Variants in DCTPP1 observed in about 807,000 individuals in gnomAD.
DCTPP1 encodes the protein dCTP pyrophosphatase 1.
DCTPP1 carries 8 observed loss-of-function variants against 8.8 expected under a neutral mutation model. The observed-to-expected ratio is 0.91, with a 90% confidence interval of 0.54 to 1.64. DCTPP1 has a LOEUF of 1.64. Among genes scored for constraint, DCTPP1 ranks in the 40% most tolerant of loss-of-function variants. The probability of loss-of-function intolerance (pLI) is 0.00; values close to 1 mark genes in which losing one functional copy is unlikely to be tolerated. For synonymous variants in DCTPP1, 85 were observed against 92.1 expected (o/e 0.92, Z 0.44); for missense variants, 231 against 230.4 (o/e 1.00, Z -0.02).
intron 2 of DCTPP1, among the ~76,000 whole-genome samples, chr16:30,427,014 T>G (rs977858789): frequency 5.1e-5 from 7 of 138,396 alleles, no homozygotes; most frequent in Non-Finnish European, 6.3e-5. Context: ...TTTCGTTGGG[T>G]TTTTTTTTTT....
chr16:30,428,766 C>CA (rs949362903), intron 2 of DCTPP1: 43 of 416,898 alleles, frequency 1.0e-4, no homozygotes, highest in South Asian at 3.9e-4. Flanking sequence ...GACCCCGTCT[C>CA]AAAAAAAAGC....
At chr16:30,426,991 G>GCAC (rs914944781) in intron 2 of DCTPP1, among the ~76,000 whole-genome samples, 10 of 143,184 alleles carry the variant, frequency 7.0e-5, no homozygotes, top group African/African-American at 2.6e-4. Flanking sequence ...GTGAGCCACC[G>GCAC]CACCTGGACC....
In DCTPP1 at chr16:30,428,909, C is replaced by A. The variant is rs969141537; in HGVS notation, c.212+148G>T. ...CTGAGTGCCCCTAGAGGGCAGGGAC[C>A]CGTGAGTCCTCTCTGCATCCCAACA... On this transcript the variant is annotated intron_variant, in intron 2 of 2. Transcript: ENST00000319285. The A allele has an allele frequency of 6.5e-6, 5 of 770,750 alleles. No homozygotes were observed. The East Asian group carries it at 1.1e-4, about 17-fold the overall frequency. The allele number at this position is 770,750 out of a possible 1,614,324, so 47.7% of individuals were successfully genotyped here. A position where few individuals can be genotyped will look rare whatever the true frequency, so the allele number is the denominator to read the frequency against.
At chr16:30,427,359 C>T (rs2050200557) in intron 2 of DCTPP1, among the ~76,000 whole-genome samples, 1 of 151,270 alleles carries the variant, frequency 6.6e-6, no homozygotes, top group African/African-American at 2.4e-5. Flanking sequence ...GTCGCCCAGG[C>T]TGGAGTGCCA....
intron 2 of DCTPP1, among the ~76,000 whole-genome samples, chr16:30,424,812 C>G (rs1457427502): frequency 2.6e-5 from 4 of 152,252 alleles, no homozygotes; most frequent in Admixed American, 1.3e-4. Context: ...ACAGACCAAA[C>G]CTCGGACCTG....
rs1388955270 is a variant in DCTPP1 at position 30,424,151 on chromosome 16, A to G, written c.*82T>C. On this transcript the variant is annotated 3_prime_UTR_variant, in exon 3 of 3. Coordinates refer to ENST00000319285, the MANE Select transcript of DCTPP1 (RefSeq NM_024096.2). ...CCTCAGGCCCATGATCTATTCTGAA[A>G]AGACTAGAAAAAGGCTCCAGGGCCA... The G allele has an allele frequency of 1.3e-5, 19 of 1,500,200 alleles. No individual in the cohort carries two copies. In the East Asian group the frequency reaches 3.5e-4, roughly 28 times the overall value. 92.9% of individuals were successfully genotyped at this position (1,500,200 alleles called of 1,614,324 possible). A position where few individuals can be genotyped will look rare whatever the true frequency, so the allele number is the denominator to read the frequency against.
Position 30,429,968 on chromosome 16 carries a change from C to T in DCTPP1, c.13G>A (p.Gly5Ser). The change falls in exon 1 of 3, where the codon GGT (glycine) becomes AGT (serine). Residue 5 changes from glycine to serine, a missense_variant. Physicochemically the swap from Gly to Ser is moderately conservative, Grantham distance 56. Transcript: ENST00000319285. Reference sequence around the variant, plus strand: ...CCCGTGTCCCCACGAATCTCCCCACCGGCCACAGACATGCCGCCCACCGCT... The same window carrying T: ...CCCGTGTCCCCACGAATCTCCCCACTGGCCACAGACATGCCGCCCACCGCT... MSVAGGEIRGDTGGE... is the reference protein window; with the variant it reads MSVASGEIRGDTGGE... 6.4e-7 allele frequency: 1 copy of T among 1,566,162 alleles called. No homozygotes were observed. Among genetic ancestry groups the T allele is most frequent in the Non-Finnish European group, 8.6e-7 (1 of 1,157,302 alleles).
Position 30,424,213 on chromosome 16 carries a change from C to G in DCTPP1, c.*20G>C, listed in dbSNP as rs767146033. ...GCTCTTCAGACACCACCCTGAGTTG[C>G]AAGTCCTGTGGCCATCTTTCTAGGT... On this transcript the variant is annotated 3_prime_UTR_variant, in exon 3 of 3. Transcript: ENST00000319285. 6.2e-7 allele frequency: 1 copy of G among 1,610,070 alleles called. No individual in the cohort carries two copies. Among genetic ancestry groups the G allele is most frequent in the Non-Finnish European group, 8.5e-7 (1 of 1,177,206 alleles).
At position 30,429,954 on chromosome 16, in the gene DCTPP1, A is replaced by G; in HGVS notation, c.27T>C (p.Arg9=). 6.3e-7 allele frequency: 1 copy of G among 1,581,044 alleles called. No individual in the cohort carries two copies. Among genetic ancestry groups the G allele is most frequent in the African/African-American group, 1.4e-5 (1 of 72,188 alleles). Reference sequence around the variant, plus strand: ...CAGTGTCCTCTCCCCCCGTGTCCCCACGAATCTCCCCACCGGCCACAGACA... The same window carrying G: ...CAGTGTCCTCTCCCCCCGTGTCCCCGCGAATCTCCCCACCGGCCACAGACA... MSVAGGEI[R]GDTGGEDTAA... is the part of the protein sequence containing the mutation. The change falls in exon 1 of 3, where the codon CGT becomes CGC. Residue 9 remains arginine, a synonymous_variant. Coordinates refer to ENST00000319285, the MANE Select transcript of DCTPP1 (RefSeq NM_024096.2).
Position 30,429,879 on chromosome 16 carries a change from C to T in DCTPP1, c.101+1G>A, listed in dbSNP as rs1488282946. On this transcript the variant is annotated splice_donor_variant, in intron 1 of 2. Transcript: ENST00000319285. LOFTEE classifies it high-confidence loss of function. ...CCCCGAGCTGGGCCAGGCCTGCTTA[C>T]ATGTCCTCGAGCGTGGGCTCCGGGC... 1.9e-6 allele frequency: 3 copies of T among 1,598,816 alleles called. No individual in the cohort carries two copies. Among genetic ancestry groups the T allele is most frequent in the Non-Finnish European group, 2.6e-6 (3 of 1,173,376 alleles).
At chr16:30,424,976 G>C (rs2050184949) in intron 2 of DCTPP1, among the ~76,000 whole-genome samples, 1 of 152,230 alleles carries the variant, frequency 6.6e-6, no homozygotes, top group African/African-American at 2.4e-5. Context: ...CGCCTCCCGG[G>C]TTCAAGCGAT....
chr16:30,429,064 C>G lies in DCTPP1; in HGVS notation c.205G>C (p.Glu69Gln). ...AGCTTTCCATCTACTCACAAGAGTT[C>G]TGCCAGCTCCCCCACTTCCCCAACC... is the stretch of plus-strand genomic sequence containing the variant. ...ALVGEVGELAELFQWKTDGEP... is the reference protein window; with the variant it reads ...ALVGEVGELAQLFQWKTDGEP... Residue 69 changes from glutamate (E) to glutamine (Q), a missense_variant, in exon 2 of 3, where the codon GAA becomes CAA. Physicochemically the swap from Glu to Gln is conservative, Grantham distance 29 (BLOSUM62 2). Transcript: ENST00000319285. 2 of 1,613,722 alleles carry G rather than the reference C, an allele frequency of 1.2e-6. No homozygotes were observed. The highest frequency in any genetic ancestry group is 1.1e-5 in the South Asian group (1 of 90,938).
Position 30,429,982 on chromosome 16 carries a change from C to T in DCTPP1, c.-2G>A. The T allele has an allele frequency of 1.9e-6, 3 of 1,542,870 alleles. No homozygotes were observed. Among genetic ancestry groups the T allele is most frequent in the Non-Finnish European group, 2.6e-6 (3 of 1,145,740 alleles). ...AATCTCCCCACCGGCCACAGACATG[C>T]CGCCCACCGCTGCACCGCGACTTCA... is the stretch of plus-strand genomic sequence containing the variant. On this transcript the variant is annotated 5_prime_UTR_variant, in exon 1 of 3. Transcript: ENST00000319285.
chr16:30,429,794 G>T (rs749515017), intron 1 of DCTPP1, 86 bp downstream of exon 1: 3 of 1,359,026 alleles, frequency 2.2e-6, no homozygotes, highest in Middle Eastern at 2.2e-4. Context: ...CTGCCAGCCC[G>T]CTTCCCGACC....
chr16:30,428,057 T>A (rs1170851008), intron 2 of DCTPP1, among the ~76,000 whole-genome samples: 1 of 152,142 alleles, frequency 6.6e-6, no homozygotes, highest in Non-Finnish European at 1.5e-5. Context: ...ACCAGCCAAC[T>A]CTCTGGTGTC....
rs1481969255 is a variant in DCTPP1, at chr16:30,428,524, C to T, written c.212+533G>A. On this transcript the variant is annotated intron_variant, in intron 2 of 2. Coordinates refer to ENST00000319285, the MANE Select transcript of DCTPP1 (RefSeq NM_024096.2). The stretch of plus-strand genomic sequence containing the variant: ...GTGGCTCACCCCTGTAATCCCAGCA[C>T]TTTGGGAGGCCAAGGCGGGTGGATC... 2.6e-5 allele frequency among the ~76,000 whole-genome samples: 4 copies of T among 152,000 alleles called. No homozygotes were observed. In the East Asian group the frequency reaches 7.7e-4, roughly 29 times the overall value.
chr16:30,424,714 C>T (rs975988928), intron 2 of DCTPP1, among the ~76,000 whole-genome samples, 181 bp from the exon 3 acceptor site: 4 of 152,192 alleles, frequency 2.6e-5, no homozygotes, highest in Non-Finnish European at 5.9e-5. Flanking sequence ...TCTCCCTGGG[C>T]CAAGGAGTGG....
chr16:30,427,484 TG>T (rs948207271), intron 2 of DCTPP1, among the ~76,000 whole-genome samples: 33 of 152,082 alleles, frequency 2.2e-4, no homozygotes, highest in African/African-American at 7.0e-4. Flanking sequence ...GGCTAATTTT[TG>T]TATTTTTAGT....
chr16:30,428,558 T>C (rs1878673635), intron 2 of DCTPP1, among the ~76,000 whole-genome samples: 1 of 151,326 alleles, frequency 6.6e-6, no homozygotes, highest in African/African-American at 2.4e-5. Context: ...TCACCTGAGG[T>C]CAGGAATTTG....
Sources: allele counts gnomAD v4.1 joint callset (sites outside exome capture counted in the v4.1 genomes callset), GRCh38; gene constraint gnomAD v4.1.1; transcripts MANE v1.5; gene names NCBI Gene and HGNC (gene_info 2026-07-23, HGNC 2026-07-21).